Variants in SYNDIG1 observed in about 807,000 individuals in gnomAD.
SYNDIG1 encodes the protein synapse differentiation-inducing gene protein 1.
In SYNDIG1, 9 loss-of-function variants were observed where a neutral mutation model predicts 19.4. The ratio of observed to expected loss-of-function variants is 0.46; its 90% CI spans 0.28 to 0.81. The LOEUF is 0.81. SYNDIG1 is among the 30% of genes least tolerant of loss of function. The pLI is 0.12. For synonymous variants in SYNDIG1, 141 were observed against 145.9 expected (o/e 0.97, Z 0.24); for missense variants, 311 against 343.3 (o/e 0.91, Z 0.74).
chr20:24,656,892 G>C (rs749400011), intron 3 of SYNDIG1, among the ~76,000 whole-genome samples: 4 of 152,224 alleles, frequency 2.6e-5, no homozygotes, highest in Non-Finnish European at 5.9e-5. Context: ...AAGTGTTTGG[G>C]TCCTGCGGAC....
intron 1 of SYNDIG1, among the ~76,000 whole-genome samples, chr20:24,475,149 C>A (rs1435847311): frequency 6.6e-6 from 1 of 152,122 alleles, no homozygotes; most frequent in East Asian, 1.9e-4. Flanking sequence ...TGGTACAGAC[C>A]CTCAGCTAGC....
chr20:24,563,333 G>A (rs1265959792), intron 2 of SYNDIG1, among the ~76,000 whole-genome samples: 6 of 152,180 alleles, frequency 3.9e-5, no homozygotes, highest in South Asian at 2.1e-4. Context: ...AACAGAAATC[G>A]ATCCTCCCAA....
intron 1 of SYNDIG1, among the ~76,000 whole-genome samples, chr20:24,500,360 G>T (rs1356880446): frequency 6.6e-6 from 1 of 152,104 alleles, no homozygotes; most frequent in Admixed American, 6.5e-5. Context: ...CTTTTCTATC[G>T]AGTGTTGTTT....
At chr20:24,600,424 C>T (rs1329750346) in intron 3 of SYNDIG1, among the ~76,000 whole-genome samples, 1 of 152,036 alleles carries the variant, frequency 6.6e-6, no homozygotes, top group Non-Finnish European at 1.5e-5. Context: ...CAGGAATGTC[C>T]CTGGGACCCC....
chr20:24,562,192 T>G (rs1204747793), intron 2 of SYNDIG1, among the ~76,000 whole-genome samples: 2 of 152,324 alleles, frequency 1.3e-5, no homozygotes, highest in South Asian at 4.2e-4. Context: ...TTTCACCTCC[T>G]TATAGTTGCA....
At chr20:24,520,714 G>A (rs1420244432) in intron 1 of SYNDIG1, among the ~76,000 whole-genome samples, 1 of 151,376 alleles carries the variant, frequency 6.6e-6, no homozygotes, top group Non-Finnish European at 1.5e-5. Flanking sequence ...AAAAATTACA[G>A]TAAGTTCAAA....
At chr20:24,594,045 G>T (rs2058555170) in intron 3 of SYNDIG1, among the ~76,000 whole-genome samples, 1 of 151,992 alleles carries the variant, frequency 6.6e-6, no homozygotes, top group Admixed American at 6.5e-5. Context: ...AATTGGTATG[G>T]TTTATCAATT....
chr20:24,474,820 T>C (rs1017242174), intron 1 of SYNDIG1, among the ~76,000 whole-genome samples: 7 of 152,242 alleles, frequency 4.6e-5, no homozygotes, highest in Non-Finnish European at 7.3e-5. Context: ...AGGCGCCCGC[T>C]TTCACACGTT....
At chr20:24,564,620 G>A (rs2058006966) in intron 2 of SYNDIG1, among the ~76,000 whole-genome samples, 1 of 152,156 alleles carries the variant, frequency 6.6e-6, no homozygotes, top group South Asian at 2.1e-4. Flanking sequence ...AGAAGGGTGA[G>A]GATAGTCTGT....
At chr20:24,552,667 G>C (rs1313967912) in intron 2 of SYNDIG1, among the ~76,000 whole-genome samples, 14 of 151,968 alleles carry the variant, frequency 9.2e-5, no homozygotes, top group East Asian at 5.8e-4. Flanking sequence ...GCATAGTATT[G>C]CATGGTGTAT....
At chr20:24,604,141 G>A (rs1358995837) in intron 3 of SYNDIG1, among the ~76,000 whole-genome samples, 1 of 151,638 alleles carries the variant, frequency 6.6e-6, no homozygotes, top group Non-Finnish European at 1.5e-5. Flanking sequence ...TCAAAGTTGT[G>A]TGCTTAGAAC....
chr20:24,649,652 G>T (rs1278855924), intron 3 of SYNDIG1, among the ~76,000 whole-genome samples: 1 of 152,128 alleles, frequency 6.6e-6, no homozygotes, highest in Non-Finnish European at 1.5e-5. Flanking sequence ...TTATGCATGA[G>T]TTCTCCCCTG....
chr20:24,603,491 C>A (rs1288399023), intron 3 of SYNDIG1, among the ~76,000 whole-genome samples: 1 of 152,112 alleles, frequency 6.6e-6, no homozygotes, highest in Non-Finnish European at 1.5e-5. Flanking sequence ...TAAGTGGAAA[C>A]AATAATGACA....
At chr20:24,492,558 C>A (rs1180904101) in intron 1 of SYNDIG1, among the ~76,000 whole-genome samples, 2 of 152,200 alleles carry the variant, frequency 1.3e-5, no homozygotes, top group East Asian at 3.9e-4. Context: ...TGCATAATCC[C>A]CCACCTAGCC....
intron 1 of SYNDIG1, among the ~76,000 whole-genome samples, chr20:24,515,726 A>G (rs1306570258): frequency 1.3e-5 from 2 of 152,200 alleles, no homozygotes; most frequent in South Asian, 2.1e-4. Flanking sequence ...ATGCTCATGG[A>G]TAGGAAGAAT....
intron 3 of SYNDIG1, among the ~76,000 whole-genome samples, chr20:24,620,484 T>C (rs141864804): frequency 2.3e-3 from 357 of 152,350 alleles, no homozygotes; most frequent in Middle Eastern, 6.8e-3. Context: ...ATGTGGTTTC[T>C]GCACATAGGC....
chr20:24,581,319 TA>T (rs1320630904), intron 2 of SYNDIG1, among the ~76,000 whole-genome samples: 2 of 152,130 alleles, frequency 1.3e-5, no homozygotes, highest in Non-Finnish European at 2.9e-5. Flanking sequence ...ATCTGTAAAC[TA>T]AAAATAAAGA....
At chr20:24,532,067 C>T (rs1600540440) in intron 1 of SYNDIG1, among the ~76,000 whole-genome samples, 1 of 152,194 alleles carries the variant, frequency 6.6e-6, no homozygotes, top group Non-Finnish European at 1.5e-5. Flanking sequence ...AAATGCCATT[C>T]CCTCACCCCA....
intron 1 of SYNDIG1, among the ~76,000 whole-genome samples, chr20:24,487,047 T>G (rs1196668361): frequency 6.7e-6 from 1 of 148,776 alleles, no homozygotes; most frequent in African/African-American, 2.5e-5. Flanking sequence ...CGGGCCAAGG[T>G]TGGGGGGAGA....
Sources: allele counts gnomAD v4.1 joint callset (sites outside exome capture counted in the v4.1 genomes callset), GRCh38; gene constraint gnomAD v4.1.1; transcripts MANE v1.5; gene names NCBI Gene and HGNC (gene_info 2026-07-23, HGNC 2026-07-21).